Variants in TRPC4 observed in about 807,000 individuals in gnomAD.
The protein encoded by TRPC4 is short transient receptor potential channel 4.
TRPC4 carries 49 observed loss-of-function variants against 99.4 expected under a neutral mutation model. The observed-to-expected ratio is 0.49, with a 90% confidence interval of 0.39 to 0.63. The LOEUF (loss-of-function observed/expected upper bound fraction) is 0.63. TRPC4 is among the 20% of genes least tolerant of loss of function. The probability of loss-of-function intolerance (pLI) is 0.00; values close to 1 mark genes in which losing one functional copy is unlikely to be tolerated. For missense variants in TRPC4, 898 were observed against 1,152.9 expected, an observed-to-expected ratio of 0.78 and a Z score of 3.20; for synonymous variants, 454 against 425.9, an observed-to-expected ratio of 1.07 and a Z score of -0.81.
intron 2 of TRPC4, among the ~76,000 whole-genome samples, chr13:37,771,881 T>C (rs1428845388): frequency 6.6e-6 from 1 of 151,642 alleles, no homozygotes; most frequent in Non-Finnish European, 1.5e-5. Flanking sequence ...ATACAATTGA[T>C]GACAGATTCC....
At chr13:37,800,354 C>A (rs1450243685) in intron 1 of TRPC4, among the ~76,000 whole-genome samples, 1 of 152,142 alleles carries the variant, frequency 6.6e-6, no homozygotes, top group Non-Finnish European at 1.5e-5. Context: ...AAGGTGCACA[C>A]CACTGCATCT....
At chr13:37,745,898 T>C in intron 3 of TRPC4, 39 bp downstream of exon 3, 1 of 1,575,772 alleles carries the variant, frequency 6.3e-7, no homozygotes, top group Non-Finnish European at 8.6e-7. Context: ...GTGATTAAAC[T>C]CTATGGCATT....
intron 2 of TRPC4, among the ~76,000 whole-genome samples, chr13:37,764,159 C>T (rs947978150): frequency 6.6e-6 from 1 of 151,556 alleles, no homozygotes; most frequent in East Asian, 1.9e-4. Context: ...CGGATGCCTG[C>T]AAGGGAGACT....
chr13:37,814,259 G>C (rs1468667108), intron 1 of TRPC4, among the ~76,000 whole-genome samples: 2 of 151,592 alleles, frequency 1.3e-5, no homozygotes, highest in Non-Finnish European at 3.0e-5. Context: ...TCCCTGAGAT[G>C]GTGAACAAGA....
chr13:37,655,385 A>ATATATATATAT lies in TRPC4; in HGVS notation c.1689-103_1689-102insATATATATATA, dbSNP rs1566072215. 3 of 331,410 alleles carry ATATATATATAT rather than the reference A, an allele frequency of 9.1e-6. No individual in the cohort carries two copies. The African/African-American group carries it at 1.5e-4, about 16-fold the overall frequency. The allele number at this position is 331,410 out of a possible 1,614,324, so 20.5% of individuals were successfully genotyped here. On this transcript the variant is annotated intron_variant, in intron 6 of 10. Transcript: ENST00000379705. ...CATGATTATATATATATATATATAT[A>ATATATATATAT]ATTAACTTAAACATTAATATCAACA... is the stretch of plus-strand genomic sequence containing the variant.
intron 1 of TRPC4, among the ~76,000 whole-genome samples, chr13:37,799,366 T>C (rs1158461652): frequency 6.6e-6 from 1 of 152,210 alleles, no homozygotes; most frequent in Non-Finnish European, 1.5e-5. Flanking sequence ...AGATAATTCT[T>C]TTTTTGTTTT....
At chr13:37,681,857 G>A (rs1408355290) in intron 4 of TRPC4, among the ~76,000 whole-genome samples, 3 of 152,178 alleles carry the variant, frequency 2.0e-5, no homozygotes, top group African/African-American at 4.8e-5. Flanking sequence ...TCAAGACTGT[G>A]GGGACCAACA....
At chr13:37,797,775 G>A (rs867608392) in intron 1 of TRPC4, among the ~76,000 whole-genome samples, 7 of 152,134 alleles carry the variant, frequency 4.6e-5, no homozygotes, top group Middle Eastern at 3.2e-3. Flanking sequence ...AATTACCGTA[G>A]CAACTTAAAA....
At chr13:37,774,400 T>G (rs967446337) in intron 2 of TRPC4, among the ~76,000 whole-genome samples, 1 of 151,806 alleles carries the variant, frequency 6.6e-6, no homozygotes, top group Non-Finnish European at 1.5e-5. Context: ...ATTTAGAAAT[T>G]GATTAAAAAA....
chr13:37,669,780 T>C (rs1395554402), intron 5 of TRPC4, among the ~76,000 whole-genome samples: 1 of 152,140 alleles, frequency 6.6e-6, no homozygotes, highest in African/African-American at 2.4e-5. Context: ...GGAAGTGATA[T>C]AAGTCATAGT....
intron 1 of TRPC4, among the ~76,000 whole-genome samples, chr13:37,808,406 T>A (rs1037677676): frequency 6.6e-6 from 1 of 152,094 alleles, no homozygotes; most frequent in African/African-American, 2.4e-5. Context: ...GATTAAGTAA[T>A]TCTGGAGACC....
intron 1 of TRPC4, among the ~76,000 whole-genome samples, chr13:37,836,678 A>C (rs1033130809): frequency 1.3e-5 from 2 of 152,216 alleles, no homozygotes; most frequent in African/African-American, 4.8e-5. Context: ...ATTCAGTTTT[A>C]AAAGGAAAAT....
intron 1 of TRPC4, among the ~76,000 whole-genome samples, chr13:37,792,944 G>A (rs1369814982): frequency 6.6e-6 from 1 of 152,084 alleles, no homozygotes; most frequent in African/African-American, 2.4e-5. Context: ...TGTTGTTGCA[G>A]TGGTGGTGGT....
intron 1 of TRPC4, among the ~76,000 whole-genome samples, chr13:37,815,299 G>A (rs936357096): frequency 9.2e-5 from 14 of 151,774 alleles, no homozygotes; most frequent in Non-Finnish European, 1.5e-4. Flanking sequence ...TAGGCTAAAT[G>A]TCTCACTCAA....
At chr13:37,864,119 A>G (rs1435744207) in intron 1 of TRPC4, among the ~76,000 whole-genome samples, 1 of 151,698 alleles carries the variant, frequency 6.6e-6, no homozygotes, top group Admixed American at 6.6e-5. Flanking sequence ...GCCACCCACA[A>G]TGGAACATCA....
chr13:37,818,171 GAAAA>G (rs1160892661), intron 1 of TRPC4, among the ~76,000 whole-genome samples: 9 of 136,324 alleles, frequency 6.6e-5, no homozygotes, highest in African/African-American at 2.5e-4. Context: ...TAAATTTCAA[GAAAA>G]AAAATAAAAA....
intron 6 of TRPC4, among the ~76,000 whole-genome samples, chr13:37,661,703 A>G (rs1952444193): frequency 6.6e-6 from 1 of 151,964 alleles, no homozygotes; most frequent in South Asian, 2.1e-4. Context: ...TTAGAGCAGA[A>G]CTCTCATTTA....
At chr13:37,727,778 C>T (rs1278882319) in intron 3 of TRPC4, among the ~76,000 whole-genome samples, 1 of 151,764 alleles carries the variant, frequency 6.6e-6, no homozygotes, top group African/African-American at 2.4e-5. Context: ...CAGTCACATG[C>T]CAACAGATTG....
intron 1 of TRPC4, among the ~76,000 whole-genome samples, chr13:37,832,151 A>G (rs771381362): frequency 1.3e-5 from 2 of 152,218 alleles, no homozygotes; most frequent in Non-Finnish European, 2.9e-5. Context: ...TACCCCACAA[A>G]TATATGCAAT....
Sources: allele counts gnomAD v4.1 joint callset (sites outside exome capture counted in the v4.1 genomes callset), GRCh38; gene constraint gnomAD v4.1.1; transcripts MANE v1.5; gene names NCBI Gene and HGNC (gene_info 2026-07-23, HGNC 2026-07-21).